TMTC1: variants seen among roughly 807,000 people sequenced by gnomAD.
TMTC1 encodes the protein transmembrane O-mannosyltransferase targeting cadherins 1.
In TMTC1, 73 loss-of-function variants were observed where a neutral mutation model predicts 104.8. That is an observed-to-expected ratio of 0.70 (90% CI 0.58 to 0.85). The LOEUF (loss-of-function observed/expected upper bound fraction) is 0.85, where lower values mean the gene tolerates loss of function less well. Among genes scored for constraint, TMTC1 ranks in the 40% least tolerant of loss-of-function variants. The pLI is 0.00. For missense variants in TMTC1, 1,035 were observed against 1,096.1 expected (o/e 0.94, Z 0.79); for synonymous variants, 434 against 428.7 (o/e 1.01, Z -0.15).
At chr12:29,717,372 T>C (rs1942114245) in intron 5 of TMTC1, among the ~76,000 whole-genome samples, 1 of 152,250 alleles carries the variant, frequency 6.6e-6, no homozygotes, top group African/African-American at 2.4e-5. Context: ...CCTGAAGAAT[T>C]TTCCTAGAAC....
rs547744709 is a variant in TMTC1 at position 29,619,759 on chromosome 12, T to G, written c.1128+13388A>C. ...CTAAATTTCCCATTCTTCCTTCCCC[T>G]TGATAAACGTTCAGTCTTAACAGAG... On this transcript the variant is annotated intron_variant, in intron 6 of 17. Coordinates refer to ENST00000539277, the MANE Select transcript of TMTC1 (RefSeq NM_001193451.2). Among the ~76,000 whole-genome samples the G allele has an allele frequency of 2.6e-5, 4 of 152,354 alleles. No homozygotes were observed. In the South Asian group the frequency reaches 8.3e-4, roughly 32 times the overall value.
intron 6 of TMTC1, among the ~76,000 whole-genome samples, chr12:29,616,948 T>C (rs947589896): frequency 1.3e-5 from 2 of 152,072 alleles, no homozygotes; most frequent in African/African-American, 4.8e-5. Flanking sequence ...GCACCCTGGG[T>C]CGTCTTATAA....
At position 29,502,010 on chromosome 12, in the gene TMTC1, C is replaced by T. The variant is rs1010396420; in HGVS notation, c.*4836G>A. The T allele has an allele frequency of 1.3e-5, 2 of 151,238 alleles. No homozygotes were observed. Among genetic ancestry groups the T allele is most frequent in the Non-Finnish European group, 2.9e-5 (2 of 67,866 alleles). The allele number at this position is 151,238 out of a possible 1,614,324, so 9.4% of individuals were successfully genotyped here. ...GCATATTTTCCTTTTGCATCAAAAA[C>T]GTCAAGAATAATCATAAAATCTTAT... On this transcript the variant is annotated 3_prime_UTR_variant, in exon 18 of 18. Transcript: ENST00000539277.
At chr12:29,732,871 A>G (rs751792928) in intron 5 of TMTC1, among the ~76,000 whole-genome samples, 5 of 152,092 alleles carry the variant, frequency 3.3e-5, no homozygotes, top group Non-Finnish European at 7.3e-5. Flanking sequence ...AAGTCAGTCC[A>G]ACAACACAGA....
In TMTC1 at chr12:29,520,713, A is replaced by G. The variant is rs1287705043; in HGVS notation, c.1793T>C (p.Phe598Ser). Residue 598 changes from phenylalanine to serine, a missense_variant, in exon 12 of 18, where the codon TTT (phenylalanine) becomes TCT (serine). Coordinates refer to ENST00000539277, the MANE Select transcript of TMTC1 (RefSeq NM_001193451.2). ...TTGGTATATTTCTTCAGCTTCTTTA[A>G]ACCGCTCCTTTAAAAAGAAAGAAAC... ...LASLLAEQER[F>S]KEAEEIYQTG... 6.2e-7 allele frequency: 1 copy of G among 1,609,674 alleles called. No homozygotes were observed. The highest frequency in any genetic ancestry group is 1.1e-5 in the South Asian group (1 of 90,028).
At chr12:29,752,651 T>C (rs573484575) in intron 4 of TMTC1, among the ~76,000 whole-genome samples, 10 of 151,856 alleles carry the variant, frequency 6.6e-5, no homozygotes, top group Admixed American at 2.0e-4. Flanking sequence ...TTAAATACTA[T>C]ACAGCAGTTA....
intron 5 of TMTC1, among the ~76,000 whole-genome samples, chr12:29,662,727 T>C (rs898865534): frequency 6.6e-6 from 1 of 151,246 alleles, no homozygotes; most frequent in African/African-American, 2.4e-5. Flanking sequence ...CTCTGCTTTG[T>C]AACAAATGGT....
chr12:29,637,206 G>A (rs191907110), intron 5 of TMTC1, among the ~76,000 whole-genome samples: 3 of 152,232 alleles, frequency 2.0e-5, no homozygotes, highest in East Asian at 3.9e-4. Flanking sequence ...AGGGGGTGGA[G>A]GGGATAGTTC....
At chr12:29,576,930 A>AT (rs1015901281) in intron 8 of TMTC1, among the ~76,000 whole-genome samples, 21 of 152,294 alleles carry the variant, frequency 1.4e-4, no homozygotes, top group African/African-American at 5.1e-4. Context: ...AAAAGGAAAA[A>AT]GAAAGAACAT....
chr12:29,599,914 ATGTGTATATATATGTGTATATATATGTG>A (rs1555174457), intron 7 of TMTC1, among the ~76,000 whole-genome samples: 2 of 134,722 alleles, frequency 1.5e-5, no homozygotes, highest in African/African-American at 7.5e-5. Context: ...GTGTATATAT[ATGTGTATATATATGTGTATATATATGTG>A]TGTGTATATA....
intron 5 of TMTC1, among the ~76,000 whole-genome samples, chr12:29,691,183 A>G (rs113189032): frequency 0.01 from 1,524 of 152,314 alleles, 33 homozygotes; most frequent in African/African-American, 0.035. Context: ...CCTGGGAATA[A>G]CATCACTATT....
chr12:29,629,285 A>G (rs1464638706), intron 6 of TMTC1, among the ~76,000 whole-genome samples: 1 of 151,316 alleles, frequency 6.6e-6, no homozygotes, highest in East Asian at 2.0e-4. Flanking sequence ...GCGCCAATGC[A>G]CTCCAGCCTG....
At chr12:29,524,269 C>T (rs113973596) in intron 11 of TMTC1, among the ~76,000 whole-genome samples, 1 of 152,096 alleles carries the variant, frequency 6.6e-6, no homozygotes, top group African/African-American at 2.4e-5. Context: ...TGAACCAAAC[C>T]AACTAAAATG....
chr12:29,597,379 C>T (rs1315793238), intron 7 of TMTC1, among the ~76,000 whole-genome samples: 1 of 151,616 alleles, frequency 6.6e-6, no homozygotes, highest in Non-Finnish European at 1.5e-5. Flanking sequence ...CTGGCCAGTC[C>T]ATGTGAACGT....
intron 9 of TMTC1, among the ~76,000 whole-genome samples, chr12:29,569,795 A>G (rs1384548649): frequency 6.6e-6 from 1 of 152,110 alleles, no homozygotes; most frequent in Non-Finnish European, 1.5e-5. Flanking sequence ...GAAAGCATAA[A>G]CTCTTTCACT....
At chr12:29,638,111 C>T (rs542641876) in intron 5 of TMTC1, among the ~76,000 whole-genome samples, 6 of 152,198 alleles carry the variant, frequency 3.9e-5, no homozygotes, top group African/African-American at 1.4e-4. Flanking sequence ...GGGCTCTACC[C>T]TCAGGCTTGG....
Position 29,758,766 on chromosome 12 carries a change from G to T in TMTC1, c.492C>A (p.Ile164=), listed in dbSNP as rs776700889. The T allele has an allele frequency of 5.6e-6, 9 of 1,604,984 alleles. No homozygotes were observed. The highest frequency in any genetic ancestry group is 1.7e-6 in the Non-Finnish European group (2 of 1,176,976). ...ACGCTAACACGTCCGCTCTGCCAAC[G>T]ATCCCAGCCACCTTGGAAGTTAAAA... ...HPIHTEAVAG[I]VGRADVLACL... Residue 164 remains isoleucine, a synonymous_variant, in exon 3 of 18, where the codon ATC becomes ATA. Transcript: ENST00000539277.
At chr12:29,537,300 C>G (rs1944672351) in intron 10 of TMTC1, among the ~76,000 whole-genome samples, 1 of 152,196 alleles carries the variant, frequency 6.6e-6, no homozygotes, top group African/African-American at 2.4e-5. Context: ...TTAGCAATGA[C>G]TATGTGCCAT....
intron 4 of TMTC1, among the ~76,000 whole-genome samples, chr12:29,754,076 A>G (rs931272218): frequency 1.1e-4 from 16 of 151,592 alleles, no homozygotes; most frequent in Non-Finnish European, 2.2e-4. Flanking sequence ...CATGTTGGCT[A>G]GGATGGTCTC....
Sources: allele counts gnomAD v4.1 joint callset (sites outside exome capture counted in the v4.1 genomes callset), GRCh38; gene constraint gnomAD v4.1.1; transcripts MANE v1.5; gene names NCBI Gene and HGNC (gene_info 2026-07-23, HGNC 2026-07-21).